The following ABCA1 variants were observed in gnomAD, a reference collection of about 807,000 sequenced individuals.
ABCA1 encodes phospholipid-transporting ATPase ABCA1.
ABCA1 carries 133 observed loss-of-function variants against 262.5 expected under a neutral mutation model. That is an observed-to-expected ratio of 0.51 (90% confidence interval 0.44 to 0.59). The LOEUF is 0.59. Among genes scored for constraint, ABCA1 ranks in the 20% least tolerant of loss-of-function variants. The probability of loss-of-function intolerance (pLI) is 0.00; values close to 1 mark genes in which losing one functional copy is unlikely to be tolerated. For synonymous variants in ABCA1, 1,022 were observed against 1,043.5 expected, an observed-to-expected ratio of 0.98 and a Z score of 0.40; for missense variants, 2,452 against 2,777.5, an observed-to-expected ratio of 0.88 and a Z score of 2.63.
At chr9:104,898,395 A>G (rs1840385991) in intron 2 of ABCA1, among the ~76,000 whole-genome samples, 1 of 151,974 alleles carries the variant, frequency 6.6e-6, no homozygotes, top group Admixed American at 6.5e-5. Context: ...TAAAAATACA[A>G]AAATTAGCTG....
intron 2 of ABCA1, among the ~76,000 whole-genome samples, chr9:104,901,381 G>C (rs555996247): frequency 2.6e-5 from 4 of 152,176 alleles, no homozygotes; most frequent in Admixed American, 6.5e-5. Flanking sequence ...AAGAGGTTCA[G>C]ACTAGACTAC....
At chr9:104,819,032 G>C (rs901345202) in intron 22 of ABCA1, 149 bp from the exon 23 acceptor site, 1 of 760,576 alleles carries the variant, frequency 1.3e-6, no homozygotes, top group East Asian at 2.7e-5. Context: ...ATGACCCCTA[G>C]AATGGCAAAG....
intron 34 of ABCA1, among the ~76,000 whole-genome samples, chr9:104,801,819 C>T (rs890672789): frequency 6.6e-6 from 1 of 152,232 alleles, no homozygotes; most frequent in African/African-American, 2.4e-5. Flanking sequence ...GCTAGGATTA[C>T]AGGCATGAGC....
chr9:104,808,247 A>C (rs1830968942), intron 30 of ABCA1, among the ~76,000 whole-genome samples: 1 of 152,202 alleles, frequency 6.6e-6, no homozygotes, highest in Admixed American at 6.5e-5. Context: ...CTCTGATGTC[A>C]GGGCCGGGCC....
At position 104,817,832 on chromosome 9, in the gene ABCA1, A is replaced by G. The variant is rs921734236; in HGVS notation, c.3463-428T>C. Among the ~76,000 whole-genome samples the G allele has an allele frequency of 6.6e-6, 1 of 152,226 alleles. No individual in the cohort carries two copies. Among genetic ancestry groups the G allele is most frequent in the Admixed American group, 6.5e-5 (1 of 15,288 alleles). On this transcript the variant is annotated intron_variant, in intron 23 of 49. Transcript: ENST00000374736. The surrounding 1 kb of genome is among the most constrained non-coding windows in gnomAD (Gnocchi z 4.7). ...CTGGGCCCAGGTTGCTGAATTTCTA[A>G]CAAGTTCCCAAGTGATCCTGATGCT...
At chr9:104,788,124 T>C in intron 45 of ABCA1, 70 bp from the exon 46 acceptor site, 1 of 1,492,762 alleles carries the variant, frequency 6.7e-7, no homozygotes, top group South Asian at 1.1e-5. Flanking sequence ...TACACATACA[T>C]GTATGAAAGT....
In ABCA1 at chr9:104,782,543, T is replaced by G. The variant is rs1054073880; in HGVS notation, c.*1772A>C. ...ACAGTAAGTATTAGTGAAACAGTAT[T>G]TTTACAAATGTTTACTGACTAGAAA... On this transcript the variant is annotated 3_prime_UTR_variant, in exon 50 of 50. Coordinates refer to ENST00000374736, the MANE Select transcript of ABCA1 (RefSeq NM_005502.4). 5.3e-5 allele frequency: 8 copies of G among 152,158 alleles called. No individual in the cohort carries two copies. The highest frequency in any genetic ancestry group is 1.9e-4 in the African/African-American group (8 of 41,436). The allele number at this position is 152,158 out of a possible 1,614,324, so 9.4% of individuals were successfully genotyped here. A position where few individuals can be genotyped will look rare whatever the true frequency, so the allele number is the denominator to read the frequency against.
intron 49 of ABCA1, among the ~76,000 whole-genome samples, chr9:104,784,731 C>A (rs1828766084): frequency 6.6e-6 from 1 of 152,164 alleles, no homozygotes; most frequent in African/African-American, 2.4e-5. Flanking sequence ...GTAACCTCCA[C>A]CTCCTGGGTT....
chr9:104,922,939 A>C (rs1842224986), intron 1 of ABCA1, among the ~76,000 whole-genome samples: 1 of 151,394 alleles, frequency 6.6e-6, no homozygotes, highest in African/African-American at 2.4e-5. Context: ...CTGGTCTTGA[A>C]CTCCTGACCT....
chr9:104,868,288 G>A (rs1837268612), intron 5 of ABCA1, among the ~76,000 whole-genome samples: 1 of 152,130 alleles, frequency 6.6e-6, no homozygotes, highest in Admixed American at 6.6e-5. Context: ...GGAGGCAGAG[G>A]TTGCAGTGAG....
intron 48 of ABCA1, 81 bp from the exon 49 acceptor site, chr9:104,785,720 G>C (rs1393358704): frequency 6.3e-7 from 1 of 1,586,426 alleles, no homozygotes; most frequent in African/African-American, 1.3e-5. Flanking sequence ...AACCCAACTT[G>C]TGCCATGAAA....
intron 1 of ABCA1, among the ~76,000 whole-genome samples, chr9:104,921,713 C>T (rs1034743664): frequency 6.6e-6 from 1 of 152,180 alleles, no homozygotes; most frequent in African/African-American, 2.4e-5. Flanking sequence ...AGGAAGCAAA[C>T]ATGAGCTTCC....
At chr9:104,812,809 A>G in intron 27 of ABCA1, 87 bp from the exon 28 acceptor site, 1 of 1,510,202 alleles carries the variant, frequency 6.6e-7, no homozygotes, top group Non-Finnish European at 9.2e-7. Context: ...TTCAACAACT[A>G]TCTTGAAGGC....
intron 17 of ABCA1, among the ~76,000 whole-genome samples, chr9:104,825,056 T>C (rs760573615): frequency 6.6e-6 from 1 of 152,246 alleles, no homozygotes; most frequent in Admixed American, 6.5e-5. Flanking sequence ...AGGTTCCTCT[T>C]GGACTTGGTC....
intron 18 of ABCA1, among the ~76,000 whole-genome samples, chr9:104,824,010 G>C (rs1315513756): frequency 6.6e-6 from 1 of 152,212 alleles, no homozygotes; most frequent in African/African-American, 2.4e-5. Flanking sequence ...GAGAGGATTA[G>C]GGATCTGGGT....
intron 11 of ABCA1, among the ~76,000 whole-genome samples, chr9:104,834,583 A>G (rs769201841): frequency 5.4e-5 from 8 of 149,280 alleles, no homozygotes; most frequent in Non-Finnish European, 8.9e-5. Flanking sequence ...GCCAAAAAGA[A>G]TAGCAAGACT....
At chr9:104,894,837 G>C (rs1394862482) in intron 2 of ABCA1, among the ~76,000 whole-genome samples, 1 of 152,208 alleles carries the variant, frequency 6.6e-6, no homozygotes, top group South Asian at 2.1e-4. Flanking sequence ...ACTCATGAGA[G>C]ACAAAATTTA....
intron 30 of ABCA1, 44 bp from the exon 31 acceptor site, chr9:104,806,474 T>G (rs1830776829): frequency 8.1e-6 from 13 of 1,602,310 alleles, no homozygotes; most frequent in Non-Finnish European, 1.1e-5. Context: ...AGAGATGGCC[T>G]GGCCTTTCTG....
At chr9:104,787,880 C>T (rs1262617239) in intron 46 of ABCA1, 40 bp downstream of exon 46, 1 of 1,613,784 alleles carries the variant, frequency 6.2e-7, no homozygotes, top group African/African-American at 1.3e-5. Flanking sequence ...GTTTTCCACT[C>T]AGGCCAGAAC....
Sources: gnomAD v4.1 joint callset for allele counts (sites outside exome capture counted in the v4.1 genomes callset) on GRCh38, gnomAD v4.1.1 for gene constraint, Gnocchi (gnomAD v3.1) non-coding constraint, MANE v1.5 for transcripts, NCBI Gene and HGNC (gene_info 2026-07-23, HGNC 2026-07-21) for gene names.